ZFYVE26: variants seen among roughly 807,000 people sequenced by gnomAD.
ZFYVE26 encodes zinc finger FYVE-type containing 26.
A neutral mutation model predicts 276.5 loss-of-function variants in ZFYVE26; 181 were observed. The ratio of observed to expected loss-of-function variants is 0.65; its 90% CI spans 0.58 to 0.74. The LOEUF is 0.74. Among genes scored for constraint, ZFYVE26 ranks in the 30% least tolerant of loss-of-function variants. The pLI, the probability that ZFYVE26 is intolerant of heterozygous loss-of-function variation, is 0.00. For missense variants in ZFYVE26, 2,821 were observed against 3,097.9 expected (o/e 0.91, Z 2.12); for synonymous variants, 1,129 against 1,203.1 (o/e 0.94, Z 1.27).
At chr14:67,733,703 T>G (rs1244336933) in intron 13 of ZFYVE26, 1 of 1,319,554 alleles carries the variant, frequency 7.6e-7, no homozygotes, top group Non-Finnish European at 1.1e-6. Context: ...TCCAGACTGC[T>G]AATTCTCATT....
Position 67,747,242 on chromosome 14 carries a change from C to T in ZFYVE26, c.*1194G>A, listed in dbSNP as rs1168146417. On this transcript the variant is annotated 3_prime_UTR_variant, in exon 42 of 42. Coordinates refer to ENST00000347230, the MANE Select transcript of ZFYVE26 (RefSeq NM_015346.4). Reference sequence around the variant, plus strand: ...GACAAGACAGTGCATATTAAAGAAGCACTTCACCTAGTTTTCCACCAACCA... The same window carrying T: ...GACAAGACAGTGCATATTAAAGAAGTACTTCACCTAGTTTTCCACCAACCA... 1.3e-5 allele frequency: 2 copies of T among 152,278 alleles called. No individual in the cohort carries two copies. The highest frequency in any genetic ancestry group is 2.4e-5 in the African/African-American group (1 of 41,450). 9.4% of individuals were successfully genotyped at this position (152,278 alleles called of 1,614,324 possible).
intron 35 of ZFYVE26, among the ~76,000 whole-genome samples, chr14:67,757,682 C>CTT (rs1279409842): frequency 3.4e-4 from 44 of 130,722 alleles, no homozygotes; most frequent in South Asian, 1.7e-3. Context: ...TTCTTTCTTT[C>CTT]TCTCTCTCTT....
intron 5 of ZFYVE26, among the ~76,000 whole-genome samples, chr14:67,807,033 G>A (rs1450101203): frequency 2.0e-5 from 3 of 152,144 alleles, no homozygotes; most frequent in African/African-American, 7.2e-5. Flanking sequence ...TGGGCTCAGT[G>A]ATCTTCCTGC....
In ZFYVE26 at chr14:67,815,652, C is replaced by T. The variant is rs138644955; in HGVS notation, c.194+118G>A. On this transcript the variant is annotated intron_variant, in intron 2 of 41. Transcript: ENST00000347230. The stretch of plus-strand genomic sequence containing the variant: ...AAAATTTCAGAGCACGTGAAATACA[C>T]TGTGCCTCTGCTTATTCTTCAGAGG... The T allele has an allele frequency of 2.5e-4, 247 of 987,724 alleles. 1 individual carries two copies. In the African/African-American group the frequency reaches 3.5e-3, roughly 14 times the overall value. The allele number at this position is 987,724 out of a possible 1,614,324, so 61.2% of individuals were successfully genotyped here.
Position 67,790,719 on chromosome 14 carries a change from T to C in ZFYVE26, c.2608A>G (p.Met870Val). The change falls in exon 15 of 42, where the codon ATG becomes GTG. Residue 870 changes from methionine (M) to valine (V), a missense_variant. Coordinates refer to ENST00000347230, the MANE Select transcript of ZFYVE26 (RefSeq NM_015346.4). ...TGGATCACTTCCTGGTAGCGCTCCA[T>C]GAACATCAGTTCCCCTGAACTGGGT... ...SSPSSGELMF[M>V]ERYQEVIQEL... 1 of 1,614,216 alleles carries C rather than the reference T, an allele frequency of 6.2e-7. No homozygotes were observed. The highest frequency in any genetic ancestry group is 8.5e-7 in the Non-Finnish European group (1 of 1,180,042).
chr14:67,732,239 C>A (rs1357012327), intron 13 of ZFYVE26, among the ~76,000 whole-genome samples: 1 of 151,618 alleles, frequency 6.6e-6, no homozygotes, highest in Non-Finnish European at 1.5e-5. Flanking sequence ...GAATTCCATA[C>A]CAGCCTGGAC....
At chr14:67,757,314 C>T (rs566182973) in intron 35 of ZFYVE26, among the ~76,000 whole-genome samples, 1 of 152,380 alleles carries the variant, frequency 6.6e-6, no homozygotes, top group East Asian at 1.9e-4. Flanking sequence ...TCATCCCTCA[C>T]AATGTCCACA....
At chr14:67,784,931 A>C in intron 19 of ZFYVE26, 128 bp downstream of exon 19, 1 of 989,062 alleles carries the variant, frequency 1.0e-6, no homozygotes, top group Non-Finnish European at 1.6e-6. Context: ...AAGAGAGGAC[A>C]ACCTTATAAA....
intron 8 of ZFYVE26, 128 bp downstream of exon 8, chr14:67,805,089 T>C: frequency 1.2e-6 from 1 of 863,552 alleles, no homozygotes; most frequent in Non-Finnish European, 1.9e-6. Flanking sequence ...TGGAACAATT[T>C]TTAGTAGCTG....
At chr14:67,814,086 A>T in intron 2 of ZFYVE26, 22 bp from the exon 3 acceptor site, 1 of 1,588,830 alleles carries the variant, frequency 6.3e-7, no homozygotes, top group Non-Finnish European at 8.6e-7. Flanking sequence ...AAAAAGAAAG[A>T]CTTGTAAAAA....
rs944578663 is a variant in ZFYVE26 at position 67,797,231 on chromosome 14, T to C, written c.2332+441A>G. 2.5e-5 allele frequency: 6 copies of C among 244,368 alleles called. No individual in the cohort carries two copies. In the Admixed American group the frequency reaches 2.6e-4, roughly 10 times the overall value. The allele number at this position is 244,368 out of a possible 1,614,324, so 15.1% of individuals were successfully genotyped here. On this transcript the variant is annotated intron_variant, in intron 12 of 41. Transcript: ENST00000347230. ...AGCTTATCCTGTATTTACACAAGTATGCACAGACATGTACAAGGTTTTTTA... is the reference window on the plus strand; with the variant it reads ...AGCTTATCCTGTATTTACACAAGTACGCACAGACATGTACAAGGTTTTTTA...
At chr14:67,794,895 G>C (rs1250491949) in intron 12 of ZFYVE26, among the ~76,000 whole-genome samples, 1 of 152,164 alleles carries the variant, frequency 6.6e-6, no homozygotes, top group Non-Finnish European at 1.5e-5. Flanking sequence ...GTTACAGTGA[G>C]CTATGATTGT....
At chr14:67,813,119 C>A (rs1039842491) in intron 3 of ZFYVE26, among the ~76,000 whole-genome samples, 3 of 152,152 alleles carry the variant, frequency 2.0e-5, no homozygotes, top group African/African-American at 7.2e-5. Context: ...AAAATTAATT[C>A]TGGTGACCGA....
intron 36 of ZFYVE26, among the ~76,000 whole-genome samples, chr14:67,755,703 T>TA (rs1350949607): frequency 6.6e-6 from 1 of 152,238 alleles, no homozygotes; most frequent in East Asian, 1.9e-4. Context: ...TTCTTTTTTT[T>TA]ACCTGTTCAT....
At chr14:67,774,703 GT>G (rs1204668604) in intron 27 of ZFYVE26, among the ~76,000 whole-genome samples, 4 of 152,248 alleles carry the variant, frequency 2.6e-5, no homozygotes, top group Admixed American at 2.0e-4. Flanking sequence ...AGGAAGAGTT[GT>G]TTTTAGGATT....
intron 40 of ZFYVE26, chr14:67,751,448 G>A (rs742868): frequency 0.21 from 80,736 of 387,542 alleles, 10,535 homozygotes; most frequent in East Asian, 0.51. Context: ...ATGTATCAGC[G>A]TAATACACTA....
At chr14:67,764,078 T>G (rs144993940) in intron 32 of ZFYVE26, among the ~76,000 whole-genome samples, 157 of 152,338 alleles carry the variant, frequency 1.0e-3, no homozygotes, top group African/African-American at 3.6e-3. Flanking sequence ...CTAGTAGGGC[T>G]GCCTTCTGTG....
At chr14:67,729,277 C>G (rs1452061026) in exon 14 of ZFYVE26, 2 of 1,605,996 alleles carry the variant, frequency 1.2e-6, no homozygotes. Context: ...CCTGCTCTGG[C>G]GGCTCTTCTC....
intron 9 of ZFYVE26, 125 bp downstream of exon 9, chr14:67,803,976 G>T: frequency 7.7e-7 from 1 of 1,294,892 alleles, no homozygotes; most frequent in Non-Finnish European, 1.1e-6. Flanking sequence ...CTCATTTAGA[G>T]GAGACCTCCT....
Sources: allele counts gnomAD v4.1 joint callset (sites outside exome capture counted in the v4.1 genomes callset), GRCh38; gene constraint gnomAD v4.1.1; transcripts MANE v1.5; gene names NCBI Gene and HGNC (gene_info 2026-07-23, HGNC 2026-07-21).